Variants in B4GALNT3 observed in about 807,000 individuals in gnomAD.
B4GALNT3 encodes the protein beta-1,4-N-acetylgalactosaminyltransferase 3.
B4GALNT3 carries 86 observed loss-of-function variants against 120.2 expected under a neutral mutation model. That is an observed-to-expected ratio of 0.72 (90% CI 0.60 to 0.86). The LOEUF is 0.86. Among genes scored for constraint, B4GALNT3 ranks in the 40% least tolerant of loss-of-function variants. B4GALNT3 has a pLI of 0.00. For missense variants in B4GALNT3, 1,167 were observed against 1,298.9 expected (o/e 0.90, Z 1.56); for synonymous variants, 518 against 510.4 (o/e 1.01, Z -0.20).
intron 3 of B4GALNT3, among the ~76,000 whole-genome samples, chr12:543,850 C>T (rs1412031766): frequency 2.0e-3 from 156 of 77,066 alleles, no homozygotes; most frequent in Middle Eastern, 0.01. Context: ...CTCATCTTCC[C>T]GGAGCTGAGG....
At position 460,015 on chromosome 12, in the gene B4GALNT3, C is replaced by T. The variant is rs1281110593; in HGVS notation, c.-362C>T. On this transcript the variant is annotated 5_prime_UTR_variant, in exon 1 of 20. Coordinates refer to ENST00000266383, the MANE Select transcript of B4GALNT3 (RefSeq NM_173593.4). The surrounding 1 kb of genome is among the most constrained non-coding windows in gnomAD (Gnocchi z 8.0). ...GGGGGCGCGGGCGGAGGCAGGCGGG[C>T]GGGCGCCGGGGAAGCCTCCTTCTGG... Among the ~76,000 whole-genome samples, 14 of 149,358 alleles carry T rather than the reference C, an allele frequency of 9.4e-5. No homozygotes were observed. Among genetic ancestry groups the T allele is most frequent in the East Asian group, 2.0e-4 (1 of 5,026 alleles).
chr12:552,917 G>GC, intron 13 of B4GALNT3: 1 of 523,426 alleles, frequency 1.9e-6, no homozygotes, highest in East Asian at 3.3e-5. Flanking sequence ...TCCCTCAGGT[G>GC]CTATGCACCT....
intron 1 of B4GALNT3, among the ~76,000 whole-genome samples, chr12:506,017 C>T (rs1026255740): frequency 7.2e-5 from 11 of 152,152 alleles, no homozygotes; most frequent in African/African-American, 1.2e-4. Context: ...GATTGTAACC[C>T]GATTTGTCTG....
At chr12:549,483 A>G (rs965985885) in intron 9 of B4GALNT3, among the ~76,000 whole-genome samples, 1 of 152,242 alleles carries the variant, frequency 6.6e-6, no homozygotes. Flanking sequence ...TTAATGCCAC[A>G]TTTCTAGCAG....
Position 460,266 on chromosome 12 carries a change from C to A in B4GALNT3, c.-111C>A. On this transcript the variant is annotated 5_prime_UTR_variant, in exon 1 of 20. Coordinates refer to ENST00000266383, the MANE Select transcript of B4GALNT3 (RefSeq NM_173593.4). This position sits in a 1 kb window ranked among gnomAD's most constrained non-coding sequence, Gnocchi z 8.0. ...CCGGGAGAGACGGCCTCGGCGCAGC[C>A]CTGAGACGCTGGGCCGGGACGCGGG... is the stretch of plus-strand genomic sequence containing the variant. 1.2e-6 allele frequency: 1 copy of A among 822,702 alleles called. No individual in the cohort carries two copies. The highest frequency in any genetic ancestry group is 1.5e-6 in the Non-Finnish European group (1 of 683,192). 51.0% of individuals were successfully genotyped at this position (822,702 alleles called of 1,614,324 possible).
chr12:521,561 AC>A (rs1185220056), intron 1 of B4GALNT3, among the ~76,000 whole-genome samples: 1 of 152,150 alleles, frequency 6.6e-6, no homozygotes, highest in African/African-American at 2.4e-5. Context: ...GGAAGAAACT[AC>A]AGTGAAGGAC....
At chr12:558,382 A>G in intron 17 of B4GALNT3, 126 bp from the exon 18 acceptor site, 1 of 919,524 alleles carries the variant, frequency 1.1e-6, no homozygotes, top group South Asian at 1.5e-5. Flanking sequence ...TCTGCCCAGC[A>G]GCTGGTTTTG....
chr12:527,563 A>G (rs111336088), intron 1 of B4GALNT3, among the ~76,000 whole-genome samples: 9,153 of 152,204 alleles, frequency 0.06, 324 homozygotes, highest in African/African-American at 0.098. Context: ...GAGACTTATC[A>G]TGGCCCCACC....
In B4GALNT3 at chr12:559,433, G is replaced by A. The variant is rs368745276; in HGVS notation, c.2888+12G>A. Reference sequence around the variant, plus strand: ...GAGCTGCTGGACAGGTGACTGGGAAGAGGAGGGCATCCACGAGGCCTGGGA... The same window carrying A: ...GAGCTGCTGGACAGGTGACTGGGAAAAGGAGGGCATCCACGAGGCCTGGGA... On this transcript the variant is annotated intron_variant, in intron 19 of 19. Coordinates refer to ENST00000266383, the MANE Select transcript of B4GALNT3 (RefSeq NM_173593.4). 17 of 1,613,014 alleles carry A rather than the reference G, an allele frequency of 1.1e-5. No homozygotes were observed. The highest frequency in any genetic ancestry group is 2.2e-5 in the South Asian group (2 of 91,022).
chr12:512,312 T>C (rs1248867357), intron 1 of B4GALNT3, among the ~76,000 whole-genome samples: 2 of 99,528 alleles, frequency 2.0e-5, no homozygotes, highest in Admixed American at 1.2e-4. Flanking sequence ...TTCCACCTTC[T>C]TCCACCTTCC....
chr12:466,439 C>G (rs1219251460), intron 1 of B4GALNT3, among the ~76,000 whole-genome samples: 3 of 152,232 alleles, frequency 2.0e-5, no homozygotes, highest in African/African-American at 7.2e-5. Context: ...TCCACAAGCA[C>G]TTTTCGTTAT....
chr12:545,887 CGAGGAGTGGGGAGGT>C, intron 6 of B4GALNT3, among the ~76,000 whole-genome samples: 1 of 800 alleles, frequency 1.3e-3, no homozygotes, highest in South Asian at 0.062. Flanking sequence ...TGGGGAGGTG[CGAGGAGTGGGGAGGT>C]GAGGAGTGGG....
chr12:541,372 C>T (rs1946913640), intron 3 of B4GALNT3, among the ~76,000 whole-genome samples: 2 of 152,206 alleles, frequency 1.3e-5, no homozygotes, highest in Admixed American at 1.3e-4. Context: ...TCAAAACCAC[C>T]ATTGGCCATA....
At chr12:507,246 T>C (rs1173831795) in intron 1 of B4GALNT3, among the ~76,000 whole-genome samples, 3 of 152,260 alleles carry the variant, frequency 2.0e-5, no homozygotes, top group Non-Finnish European at 1.5e-5. Flanking sequence ...AGTGTCACTT[T>C]TGTGATATAT....
rs1056008 is a variant in B4GALNT3 at position 553,672 on chromosome 12, T to C, written c.1749T>C (p.Pro583=). The C allele has an allele frequency of 0.27, 428,600 of 1,613,600 alleles. 58,819 individuals carry two copies. Among genetic ancestry groups the C allele is most frequent in the African/African-American group, 0.38 (28,831 of 74,908 alleles). Residue 583 remains proline (P), a synonymous_variant, in exon 14 of 20, where the codon CCT becomes CCC. Coordinates refer to ENST00000266383, the MANE Select transcript of B4GALNT3 (RefSeq NM_173593.4). ...RRGDRMRPQA[P]GRGWHGEEEV... ...GTGACAGGATGCGGCCTCAGGCCCC[T>C]GGAAGGGGCTGGCATGGGGAGGAGG... is the stretch of plus-strand genomic sequence containing the variant.
chr12:460,990 G>T lies in B4GALNT3; in HGVS notation c.169+445G>T, dbSNP rs1946017389. 6.6e-6 allele frequency among the ~76,000 whole-genome samples: 1 copy of T among 152,164 alleles called. No homozygotes were observed. The highest frequency in any genetic ancestry group is 2.1e-4 in the South Asian group (1 of 4,832). Reference sequence around the variant, plus strand: ...CACACCCAGGCGCGCGCTCCAGTCCGCGCAGCCCAAACTTTGCCCACCGCC... The same window carrying T: ...CACACCCAGGCGCGCGCTCCAGTCCTCGCAGCCCAAACTTTGCCCACCGCC... On this transcript the variant is annotated intron_variant, in intron 1 of 19. Coordinates refer to ENST00000266383, the MANE Select transcript of B4GALNT3 (RefSeq NM_173593.4). This position sits in a 1 kb window ranked among gnomAD's most constrained non-coding sequence, Gnocchi z 8.0.
chr12:464,759 C>G (rs868353408), intron 1 of B4GALNT3, among the ~76,000 whole-genome samples: 1 of 152,334 alleles, frequency 6.6e-6, no homozygotes, highest in African/African-American at 2.4e-5. Context: ...GCCAGGATTA[C>G]TTGCTGGATC....
chr12:509,378 G>C (rs577556451), intron 1 of B4GALNT3, among the ~76,000 whole-genome samples: 18 of 152,356 alleles, frequency 1.2e-4, no homozygotes, highest in Admixed American at 6.5e-4. Context: ...GAGGAAAGGA[G>C]ATTTCCAGGG....
chr12:521,445 G>T, intron 1 of B4GALNT3, among the ~76,000 whole-genome samples: 1 of 152,114 alleles, frequency 6.6e-6, no homozygotes, highest in East Asian at 1.9e-4. Flanking sequence ...CCAGTCGTGT[G>T]GTTCTGTCTT....
Sources: gnomAD v4.1 joint callset for allele counts (sites outside exome capture counted in the v4.1 genomes callset) on GRCh38, gnomAD v4.1.1 for gene constraint, Gnocchi (gnomAD v3.1) non-coding constraint, MANE v1.5 for transcripts, NCBI Gene and HGNC (gene_info 2026-07-23, HGNC 2026-07-21) for gene names.